EYA4: variants seen among roughly 807,000 people sequenced by gnomAD.
EYA4 encodes EYA transcriptional coactivator and phosphatase 4, also known as protein phosphatase EYA4.
A neutral mutation model predicts 87.9 loss-of-function variants in EYA4; 31 were observed. That is an observed-to-expected ratio of 0.35 (90% CI 0.27 to 0.48). EYA4 has a LOEUF of 0.48. Among genes scored for constraint, EYA4 ranks in the 20% least tolerant of loss-of-function variants. The pLI is 0.99. For missense variants in EYA4, 678 were observed against 761.4 expected, an observed-to-expected ratio of 0.89 and a Z score of 1.29; for synonymous variants, 263 against 270.6, an observed-to-expected ratio of 0.97 and a Z score of 0.28.
intron 2 of EYA4, among the ~76,000 whole-genome samples, chr6:133,351,776 C>T (rs1783658950): frequency 6.6e-6 from 1 of 151,994 alleles, no homozygotes; most frequent in Non-Finnish European, 1.5e-5. Context: ...GATTCTTTTC[C>T]CATAACATTT....
At chr6:133,489,113 G>A (rs1383488614) in intron 13 of EYA4, among the ~76,000 whole-genome samples, 2 of 152,174 alleles carry the variant, frequency 1.3e-5, no homozygotes, top group African/African-American at 2.4e-5. Context: ...TGGACATATT[G>A]AAGAATGCAT....
intron 4 of EYA4, 61 bp from the exon 5 acceptor site, chr6:133,448,050 T>G: frequency 7.9e-7 from 1 of 1,267,492 alleles, no homozygotes; most frequent in South Asian, 1.2e-5. Flanking sequence ...GCATTGAAGA[T>G]TATTCATATC....
At chr6:133,255,245 T>G (rs963551582) in intron 1 of EYA4, among the ~76,000 whole-genome samples, 2 of 152,240 alleles carry the variant, frequency 1.3e-5, no homozygotes, top group African/African-American at 4.8e-5. Context: ...AGCAAGTTTT[T>G]TTTTTTAATC....
At chr6:133,462,532 T>C (rs1481380388) in intron 8 of EYA4, 55 bp downstream of exon 8, 6 of 1,612,660 alleles carry the variant, frequency 3.7e-6, no homozygotes, top group African/African-American at 2.7e-5. Context: ...TCCTGCTGGC[T>C]GGTAGCTTTG....
At chr6:133,268,371 A>T (rs1193840505) in intron 1 of EYA4, among the ~76,000 whole-genome samples, 3 of 152,212 alleles carry the variant, frequency 2.0e-5, no homozygotes, top group Admixed American at 2.0e-4. Context: ...GTCTCTTTGC[A>T]ATCCAATGCA....
At chr6:133,325,631 A>G (rs1781441488) in intron 2 of EYA4, among the ~76,000 whole-genome samples, 2 of 152,316 alleles carry the variant, frequency 1.3e-5, no homozygotes, top group South Asian at 4.1e-4. Flanking sequence ...TTATGGTTCT[A>G]AATTTTCACT....
At chr6:133,497,289 C>T (rs367717784) in intron 13 of EYA4, among the ~76,000 whole-genome samples, 1 of 152,026 alleles carries the variant, frequency 6.6e-6, no homozygotes, top group African/African-American at 2.4e-5. Context: ...TAGGAATGAC[C>T]TTTTACCCAT....
At position 133,358,627 on chromosome 6, in the gene EYA4, G is replaced by A. The variant is rs1219158351; in HGVS notation, c.34-23765G>A. Among the ~76,000 whole-genome samples the A allele has an allele frequency of 3.9e-5, 6 of 152,192 alleles. No homozygotes were observed. The South Asian group carries it at 8.3e-4, about 21-fold the overall frequency. ...CATGTATCTGCTTTGTAAAATGCAC[G>A]GGTATTATTGCCTTACATTTGTATA... is the stretch of plus-strand genomic sequence containing the variant. On this transcript the variant is annotated intron_variant, in intron 2 of 19. Coordinates refer to ENST00000355286, the MANE Select transcript of EYA4 (RefSeq NM_004100.5).
intron 1 of EYA4, among the ~76,000 whole-genome samples, chr6:133,273,827 A>G (rs538920813): frequency 1.3e-5 from 2 of 152,220 alleles, no homozygotes; most frequent in East Asian, 3.9e-4. Context: ...ATATGTTAAG[A>G]ACATCAGCCC....
chr6:133,353,538 C>G (rs1783792866), intron 2 of EYA4, among the ~76,000 whole-genome samples: 1 of 152,158 alleles, frequency 6.6e-6, no homozygotes, highest in South Asian at 2.1e-4. Context: ...CACTTTAGCT[C>G]TTATGTCCTT....
At chr6:133,389,805 C>T (rs995186248) in intron 3 of EYA4, among the ~76,000 whole-genome samples, 2 of 152,302 alleles carry the variant, frequency 1.3e-5, no homozygotes, top group African/African-American at 4.8e-5. Context: ...CTATAGCCCC[C>T]CCAATTTTCT....
At chr6:133,252,887 G>T (rs540886698) in intron 1 of EYA4, among the ~76,000 whole-genome samples, 1 of 151,624 alleles carries the variant, frequency 6.6e-6, no homozygotes, top group Non-Finnish European at 1.5e-5. Flanking sequence ...CTAACCTGGA[G>T]ATTTCACATC....
chr6:133,483,386 T>A (rs914567139), intron 13 of EYA4, among the ~76,000 whole-genome samples: 18 of 152,066 alleles, frequency 1.2e-4, no homozygotes, highest in African/African-American at 4.1e-4. Flanking sequence ...ATAATTATTT[T>A]AGAAAAAAAA....
At chr6:133,430,045 G>T (rs908893268) in intron 3 of EYA4, among the ~76,000 whole-genome samples, 2 of 152,088 alleles carry the variant, frequency 1.3e-5, no homozygotes, top group African/African-American at 4.8e-5. Context: ...TTAGTCCCTA[G>T]TGTCTATTGT....
At chr6:133,478,865 G>A (rs1439700537) in intron 11 of EYA4, among the ~76,000 whole-genome samples, 1 of 152,094 alleles carries the variant, frequency 6.6e-6, no homozygotes, top group Non-Finnish European at 1.5e-5. Flanking sequence ...CATTTGAATA[G>A]CAGAATTATT....
chr6:133,349,127 T>C (rs1286562581), intron 2 of EYA4, among the ~76,000 whole-genome samples: 1 of 152,234 alleles, frequency 6.6e-6, no homozygotes, highest in Non-Finnish European at 1.5e-5. Flanking sequence ...TCTAAAACGT[T>C]CATCTCTTAA....
intron 2 of EYA4, among the ~76,000 whole-genome samples, chr6:133,280,456 G>A (rs1375382193): frequency 6.6e-6 from 1 of 151,824 alleles, no homozygotes; most frequent in Non-Finnish European, 1.5e-5. Flanking sequence ...GAGTACGGTG[G>A]TACAATCTCG....
intron 2 of EYA4, among the ~76,000 whole-genome samples, chr6:133,316,368 A>G (rs1392193029): frequency 1.3e-5 from 2 of 152,172 alleles, no homozygotes; most frequent in Non-Finnish European, 2.9e-5. Flanking sequence ...TGACAGTTGT[A>G]CTTACATAAT....
chr6:133,340,240 G>C (rs1242155951), intron 2 of EYA4, among the ~76,000 whole-genome samples: 1 of 152,170 alleles, frequency 6.6e-6, no homozygotes, highest in African/African-American at 2.4e-5. Flanking sequence ...TATAGACACA[G>C]AAAAACCATT....
Sources: gnomAD v4.1 joint callset for allele counts (sites outside exome capture counted in the v4.1 genomes callset) on GRCh38, gnomAD v4.1.1 for gene constraint, MANE v1.5 for transcripts, NCBI Gene and HGNC (gene_info 2026-07-23, HGNC 2026-07-21) for gene names.